The following MATK variants were observed in gnomAD, a reference collection of about 807,000 sequenced individuals.
MATK encodes megakaryocyte-associated tyrosine kinase, also known as megakaryocyte-associated tyrosine-protein kinase.
MATK carries 41 observed loss-of-function variants against 59.8 expected under a neutral mutation model. The observed-to-expected ratio is 0.69, with a 90% CI of 0.53 to 0.89. The LOEUF (loss-of-function observed/expected upper bound fraction) is 0.89. Among genes scored for constraint, MATK ranks in the 40% least tolerant of loss-of-function variants. MATK has a pLI of 0.00. For synonymous variants in MATK, 308 were observed against 306.1 expected (o/e 1.01, Z -0.06); for missense variants, 593 against 719.6 (o/e 0.82, Z 2.01).
Position 3,783,213 on chromosome 19 carries a change from T to C in MATK, c.589A>G (p.Ser197Gly). 6.2e-7 allele frequency: 1 copy of C among 1,611,630 alleles called. No homozygotes were observed. The highest frequency in any genetic ancestry group is 8.5e-7 in the Non-Finnish European group (1 of 1,179,488). ...GTGCAGATAGCGCCCTTGTCCTTGC[T>C]GTAATGCTGCAGGATGGTGGGACAG... ...CNLMDMVEHY[S>G]KDKGAICTKL... Residue 197 changes from serine to glycine, a missense_variant, in exon 7 of 14, where the codon AGC becomes GGC. Coordinates refer to ENST00000310132, the MANE Select transcript of MATK (RefSeq NM_139355.3).
chr19:3,799,238 T>C (rs902500674), intron 1 of MATK, among the ~76,000 whole-genome samples: 1 of 152,076 alleles, frequency 6.6e-6, no homozygotes, highest in South Asian at 2.1e-4. Flanking sequence ...CTCTGCACAG[T>C]TGGGGACTAC....
chr19:3,781,596 C>T lies in MATK; in HGVS notation c.742+11G>A. ...CTTCCTTCAGCACCCCCAACCCAGTCCGCCACTCACCTCCAAACTCTCCCT... is the reference window on the plus strand; with the variant it reads ...CTTCCTTCAGCACCCCCAACCCAGTTCGCCACTCACCTCCAAACTCTCCCT... On this transcript the variant is annotated intron_variant, in intron 8 of 13. Coordinates refer to ENST00000310132, the MANE Select transcript of MATK (RefSeq NM_139355.3). 1 of 1,613,910 alleles carries T rather than the reference C, an allele frequency of 6.2e-7. No homozygotes were observed. Among genetic ancestry groups the T allele is most frequent in the Non-Finnish European group, 8.5e-7 (1 of 1,179,902 alleles).
intron 6 of MATK, 30 bp downstream of exon 6, chr19:3,783,784 G>A (rs760676031): frequency 1.3e-6 from 2 of 1,592,824 alleles, no homozygotes; most frequent in South Asian, 1.1e-5. Flanking sequence ...CCCACTGCAG[G>A]GACGGGGTGG....
chr19:3,799,909 G>A (rs1046260129), intron 1 of MATK, among the ~76,000 whole-genome samples: 4 of 151,816 alleles, frequency 2.6e-5, no homozygotes, highest in Non-Finnish European at 4.4e-5. Context: ...TTGGGAGGCT[G>A]AGGCGGGAGG....
At chr19:3,797,823 C>T (rs935495477) in intron 1 of MATK, among the ~76,000 whole-genome samples, 4 of 152,044 alleles carry the variant, frequency 2.6e-5, no homozygotes, top group African/African-American at 9.7e-5. Flanking sequence ...TGATGGGTCA[C>T]CAGAGGTCAG....
chr19:3,793,179 T>C (rs1346757837), intron 1 of MATK: 1 of 152,234 alleles, frequency 6.6e-6, no homozygotes, highest in Non-Finnish European at 1.5e-5. Flanking sequence ...TTGCCCCGTC[T>C]TCCTCGTCCT....
Position 3,781,637 on chromosome 19 carries a change from C to G in MATK, c.712G>C (p.Gly238Arg). 6.2e-7 allele frequency: 1 copy of G among 1,613,958 alleles called. No homozygotes were observed. The highest frequency in any genetic ancestry group is 8.5e-7 in the Non-Finnish European group (1 of 1,179,960). The change falls in exon 8 of 14, where the codon GGA (glycine) becomes CGA (arginine). Residue 238 changes from glycine to arginine, a missense_variant. Transcript: ENST00000310132. Reference protein sequence around the residue: ...WLLNLQHLTLGAQIGEGEFGA... With the variant: ...WLLNLQHLTLRAQIGEGEFGA... ...AACTCTCCCTCTCCGATCTGTGCTC[C>G]CAATGTCAAATGCTGCAGGTTCAGT...
In MATK at chr19:3,778,587, G is replaced by A. The variant is rs1283731780; in HGVS notation, c.1206C>T (p.Thr402=). The change falls in exon 13 of 14, where the codon ACC becomes ACT. Residue 402 remains threonine (T), a synonymous_variant. Coordinates refer to ENST00000310132, the MANE Select transcript of MATK (RefSeq NM_139355.3). ...CAAAACTCCAGACATCCGACTTGCT[G>A]GTGAACTTCTGTGGGGCCCGAGACG... ...APEALKHGKF[T]SKSDVWSFGV... 2 of 1,612,346 alleles carry A rather than the reference G, an allele frequency of 1.2e-6. No individual in the cohort carries two copies. Among genetic ancestry groups the A allele is most frequent in the Non-Finnish European group, 1.7e-6 (2 of 1,179,284 alleles).
At chr19:3,795,638 C>T (rs868270487) in intron 1 of MATK, among the ~76,000 whole-genome samples, 4 of 151,170 alleles carry the variant, frequency 2.6e-5, no homozygotes, top group Non-Finnish European at 4.4e-5. Context: ...TGTAAAAAAA[C>T]GATTTTAGCT....
At chr19:3,788,883 G>C (rs1468143180), upstream of MATK, among the ~76,000 whole-genome samples, 2 of 151,478 alleles carry the variant, frequency 1.3e-5, no homozygotes, top group African/African-American at 4.9e-5. Flanking sequence ...GTAGAAACAG[G>C]GTTTCACCAT....
chr19:3,787,567 T>G (rs2037499450), upstream of MATK: 1 of 152,072 alleles, frequency 6.6e-6, no homozygotes, highest in African/African-American at 2.4e-5. Flanking sequence ...TTTTTATTTT[T>G]TTGAGATGAA....
upstream of MATK, chr19:3,789,293 G>A (rs146700809): frequency 6.4e-5 from 50 of 779,194 alleles, no homozygotes; most frequent in Admixed American, 2.0e-4. Context: ...TGCTGACCAC[G>A]GGTCCCTCGC....
Position 3,778,492 on chromosome 19 carries a change from C to T in MATK, c.1284+17G>A. 1 of 1,613,864 alleles carries T rather than the reference C, an allele frequency of 6.2e-7. No individual in the cohort carries two copies. The highest frequency in any genetic ancestry group is 8.5e-7 in the Non-Finnish European group (1 of 1,179,970). Reference sequence around the variant, plus strand: ...GACCTGCCCGGAACCCAGTGCCTCCCTGGGACCCCCGCTCACCATTTTAGG... The same window carrying T: ...GACCTGCCCGGAACCCAGTGCCTCCTTGGGACCCCCGCTCACCATTTTAGG... On this transcript the variant is annotated intron_variant, in intron 13 of 13. Transcript: ENST00000310132.
chr19:3,798,318 A>C (rs1231904329), intron 1 of MATK, among the ~76,000 whole-genome samples: 1 of 139,290 alleles, frequency 7.2e-6, no homozygotes, highest in Non-Finnish European at 1.5e-5. Flanking sequence ...AGTGCTACAG[A>C]GCTGACGGAA....
chr19:3,792,290 T>C (rs546864893), intron 1 of MATK, among the ~76,000 whole-genome samples: 5 of 152,208 alleles, frequency 3.3e-5, no homozygotes, highest in South Asian at 2.1e-4. Context: ...TTGGAAATCA[T>C]AGTAGGCAAT....
Position 3,778,121 on chromosome 19 carries a change from GC to G in MATK, c.*61del. The G allele has an allele frequency of 1.3e-6, 2 of 1,508,764 alleles. No individual in the cohort carries two copies. Among genetic ancestry groups the G allele is most frequent in the Admixed American group, 2.5e-5 (1 of 40,406 alleles). The allele number at this position is 1,508,764 out of a possible 1,614,324, so 93.5% of individuals were successfully genotyped here. A position where few individuals can be genotyped will look rare whatever the true frequency, so the allele number is the denominator to read the frequency against. On this transcript the variant is annotated 3_prime_UTR_variant, in exon 14 of 14. Coordinates refer to ENST00000310132, the MANE Select transcript of MATK (RefSeq NM_139355.3). The stretch of plus-strand genomic sequence containing the variant: ...TGGACCCTCCTTGGGCCTGGTCAGT[GC>G]CCCCACGCCGCACTCTCCACTCTCT...
rs1568406512 is a variant in MATK at position 3,783,208 on chromosome 19, C to A, written c.594G>T (p.Lys198Asn). The A allele has an allele frequency of 6.3e-7, 1 of 1,586,606 alleles. No homozygotes were observed. The highest frequency in any genetic ancestry group is 1.7e-5 in the Admixed American group (1 of 57,696). Residue 198 changes from lysine (K) to asparagine (N), a missense_variant, in exon 7 of 14, where the codon AAG (lysine) becomes AAT (asparagine). Lys to Asn is a moderately conservative substitution (Grantham distance 94). Transcript: ENST00000310132. ...NLMDMVEHYS[K>N]DKGAICTKLV... Reference sequence around the variant, plus strand: ...GCTTGGTGCAGATAGCGCCCTTGTCCTTGCTGTAATGCTGCAGGATGGTGG... The same window carrying A: ...GCTTGGTGCAGATAGCGCCCTTGTCATTGCTGTAATGCTGCAGGATGGTGG...
Position 3,784,248 on chromosome 19 carries a change from G to A in MATK, c.247-9C>T, listed in dbSNP as rs764770591. On this transcript the variant is annotated splice_polypyrimidine_tract_variant and intron_variant, in intron 4 of 13. Transcript: ENST00000310132. ...CGGTACCAGCTCTTGTTCTGCCAGG[G>A]AGGAAGCACGGGGTTAGTGTGGGGG... The A allele has an allele frequency of 5.0e-6, 8 of 1,608,664 alleles. No homozygotes were observed. In the African/African-American group the frequency reaches 6.7e-5, roughly 13 times the overall value.
Position 3,781,672 on chromosome 19 carries a change from G to T in MATK, c.677C>A (p.Ala226Glu), listed in dbSNP as rs779864879. The T allele has an allele frequency of 6.2e-7, 1 of 1,612,860 alleles. No homozygotes were observed. The highest frequency in any genetic ancestry group is 1.3e-5 in the African/African-American group (1 of 75,020). Residue 226 changes from alanine to glutamate, a missense_variant and splice_region_variant, in exon 8 of 14, where the codon GCG becomes GAG. Transcript: ENST00000310132. ...ATGCTGCAGGTTCAGTAACCAGCCC[G>T]CTGTGGAGTGAAGACCCAGTCAGAG... ...TKSAEEELAR[A>E]GWLLNLQHLT...
Sources: gnomAD v4.1 joint callset for allele counts (sites outside exome capture counted in the v4.1 genomes callset) on GRCh38, gnomAD v4.1.1 for gene constraint, MANE v1.5 for transcripts, NCBI Gene and HGNC (gene_info 2026-07-23, HGNC 2026-07-21) for gene names.